The following AGMO variants were observed in gnomAD, a reference collection of about 807,000 sequenced individuals.
The protein encoded by AGMO is alkylglycerol monooxygenase.
In AGMO, 75 loss-of-function variants were observed where a neutral mutation model predicts 60.2. The ratio of observed to expected loss-of-function variants is 1.25; its 90% CI spans 1.03 to 1.51. AGMO has a LOEUF of 1.51. Among genes scored for constraint, AGMO ranks in the 40% most tolerant of loss-of-function variants. The pLI, the probability that AGMO is intolerant of heterozygous loss-of-function variation, is 0.00. For missense variants in AGMO, 763 were observed against 525.5 expected (o/e 1.45, Z -4.42); for synonymous variants, 261 against 177.1 (o/e 1.47, Z -3.76).
intron 3 of AGMO, among the ~76,000 whole-genome samples, chr7:15,467,804 T>C (rs943606178): frequency 5.3e-5 from 8 of 152,154 alleles, no homozygotes; most frequent in Non-Finnish European, 8.8e-5. Context: ...TAAGGAAATA[T>C]AATTGAAGAT....
intron 12 of AGMO, among the ~76,000 whole-genome samples, chr7:15,232,789 C>CCACACACA (rs1028271575): frequency 1.1e-4 from 10 of 88,540 alleles, no homozygotes; most frequent in Admixed American, 1.0e-3. Flanking sequence ...AACATGGAAA[C>CCACACACA]CACACACACA....
intron 5 of AGMO, among the ~76,000 whole-genome samples, chr7:15,409,048 T>C (rs1419940232): frequency 6.6e-6 from 1 of 151,738 alleles, no homozygotes; most frequent in Non-Finnish European, 1.5e-5. Context: ...AGCTGCACAG[T>C]ATGGAAAGTA....
rs1783881244 is a variant in AGMO at position 15,385,654 on chromosome 7, CTA to C, written c.958-94_958-93del. ...AAGAGATATTTGAAAAAAGTATCTG[CTA>C]TTTTTTTTAAAAAAAGACAAACATA... On this transcript the variant is annotated intron_variant, in intron 9 of 12. Coordinates refer to ENST00000342526, the MANE Select transcript of AGMO (RefSeq NM_001004320.2). 3 of 735,454 alleles carry C rather than the reference CTA, an allele frequency of 4.1e-6. No individual in the cohort carries two copies. The Admixed American group carries it at 7.5e-5, about 18-fold the overall frequency. 45.6% of individuals were successfully genotyped at this position (735,454 alleles called of 1,614,324 possible).
At position 15,324,348 on chromosome 7, in the gene AGMO, C is replaced by T. The variant is rs534531610; in HGVS notation, c.1263+41166G>A. ...CTCCCAATCCTGTAAGTTCCAGATC[C>T]CAAGGTCAGCTCTCCTAGTTGCTGA... On this transcript the variant is annotated intron_variant, in intron 12 of 12. Transcript: ENST00000342526. 3.9e-4 allele frequency among the ~76,000 whole-genome samples: 59 copies of T among 152,278 alleles called. 1 individual carries two copies. In the South Asian group the frequency reaches 9.5e-3, roughly 25 times the overall value.
Position 15,234,314 on chromosome 7 carries a change from A to C in AGMO, c.1264-32955T>G, listed in dbSNP as rs114712622. ...AGACCCTTATTCTGTGTAAATGTCT[A>C]TCTCTCCCAAGGTTAGTGTCACATT... On this transcript the variant is annotated intron_variant, in intron 12 of 12. Transcript: ENST00000342526. Among the ~76,000 whole-genome samples, 1,219 of 152,196 alleles carry C rather than the reference A, an allele frequency of 8.0e-3. 14 individuals are homozygous for C. Among genetic ancestry groups the C allele is most frequent in the African/African-American group, 0.028 (1,153 of 41,510 alleles).
intron 12 of AGMO, among the ~76,000 whole-genome samples, chr7:15,299,814 C>A (rs1784509225): frequency 1.5e-5 from 2 of 132,140 alleles, no homozygotes; most frequent in South Asian, 2.7e-4. Flanking sequence ...GGAGACAGAG[C>A]AAGACTCTGT....
At chr7:15,328,694 T>C (rs967697626) in intron 12 of AGMO, among the ~76,000 whole-genome samples, 1 of 152,196 alleles carries the variant, frequency 6.6e-6, no homozygotes, top group African/African-American at 2.4e-5. Flanking sequence ...CTTTTGAATG[T>C]GAAATTTCAG....
intron 12 of AGMO, among the ~76,000 whole-genome samples, chr7:15,252,704 G>T (rs1178359307): frequency 6.6e-6 from 1 of 152,200 alleles, no homozygotes; most frequent in Non-Finnish European, 1.5e-5. Context: ...ACTGTCAGAA[G>T]CTCAGTTAAG....
intron 12 of AGMO, 133 bp from the exon 13 acceptor site, chr7:15,201,492 T>A: frequency 3.2e-6 from 2 of 617,928 alleles, no homozygotes; most frequent in Non-Finnish European, 5.5e-6. Context: ...AAATTAAATC[T>A]AGCAATTGTT....
intron 12 of AGMO, among the ~76,000 whole-genome samples, chr7:15,224,583 T>C (rs574980759): frequency 6.6e-6 from 1 of 152,010 alleles, no homozygotes; most frequent in Non-Finnish European, 1.5e-5. Flanking sequence ...TTAAGCCATC[T>C]CATCTATGGT....
intron 12 of AGMO, among the ~76,000 whole-genome samples, chr7:15,343,911 C>G (rs1781942548): frequency 6.6e-6 from 1 of 152,114 alleles, no homozygotes; most frequent in Non-Finnish European, 1.5e-5. Context: ...TATACTCATT[C>G]TCTCATGTAC....
At chr7:15,547,609 C>G (rs559822730) in intron 2 of AGMO, among the ~76,000 whole-genome samples, 2 of 152,040 alleles carry the variant, frequency 1.3e-5, no homozygotes, top group Non-Finnish European at 2.9e-5. Context: ...CTTTTCGGAC[C>G]GGCTTAAAAA....
chr7:15,361,928 C>T (rs1254600918), intron 12 of AGMO, among the ~76,000 whole-genome samples: 1 of 152,088 alleles, frequency 6.6e-6, no homozygotes, highest in African/African-American at 2.4e-5. Flanking sequence ...CAAGCTGATG[C>T]TACCAATATA....
At chr7:15,145,778 T>C in the AGMO span, among the ~76,000 whole-genome samples, 1 of 152,160 alleles carries the variant, frequency 6.6e-6, no homozygotes, top group Non-Finnish European at 1.5e-5. Context: ...AGAAATTTAA[T>C]CATCATTACA....
chr7:15,457,110 A>G (rs77160981), intron 3 of AGMO, among the ~76,000 whole-genome samples: 2,937 of 152,294 alleles, frequency 0.019, 91 homozygotes, highest in African/African-American at 0.067. Flanking sequence ...TGCTTTTTAA[A>G]CAATGAACTT....
rs192594797 is a variant in AGMO at position 15,474,971 on chromosome 7, G to T, written c.410-43863C>A. ...CATCATCCCTGGTCATTAGAAAAAT[G>T]CAAATCAAAACCACAATGAGATACC... On this transcript the variant is annotated intron_variant, in intron 3 of 12. Coordinates refer to ENST00000342526, the MANE Select transcript of AGMO (RefSeq NM_001004320.2). 2.9e-4 allele frequency among the ~76,000 whole-genome samples: 44 copies of T among 152,212 alleles called. No individual in the cohort carries two copies. In the East Asian group the frequency reaches 8.1e-3, roughly 28 times the overall value.
chr7:15,349,476 A>T (rs1265888459), intron 12 of AGMO, among the ~76,000 whole-genome samples: 1 of 152,128 alleles, frequency 6.6e-6, no homozygotes, highest in African/African-American at 2.4e-5. Context: ...GTAGAATTAG[A>T]TTCACTATTC....
chr7:15,548,708 A>G (rs1187851692), intron 2 of AGMO, among the ~76,000 whole-genome samples: 1 of 152,230 alleles, frequency 6.6e-6, no homozygotes, highest in Admixed American at 6.5e-5. Context: ...CCTGAAGGTG[A>G]TGGGGAGAAT....
chr7:15,162,824 G>C, the AGMO span, among the ~76,000 whole-genome samples: 1 of 152,130 alleles, frequency 6.6e-6, no homozygotes, highest in Non-Finnish European at 1.5e-5. Flanking sequence ...TTTAGCTTAA[G>C]ATTGCTTTGA....
Sources: gnomAD v4.1 joint callset for allele counts (sites outside exome capture counted in the v4.1 genomes callset) on GRCh38, gnomAD v4.1.1 for gene constraint, MANE v1.5 for transcripts, NCBI Gene and HGNC (gene_info 2026-07-23, HGNC 2026-07-21) for gene names.